Variants in SEZ6 observed in about 807,000 individuals in gnomAD.
The protein encoded by SEZ6 is seizure related 6 homolog.
SEZ6 carries 53 observed loss-of-function variants against 101.0 expected under a neutral mutation model. That is an observed-to-expected ratio of 0.52 (90% CI 0.42 to 0.66). SEZ6 has a LOEUF of 0.66. Ranked by LOEUF, SEZ6 falls within the 30% of genes least tolerant of loss-of-function variation. The pLI is 0.00. For synonymous variants in SEZ6, 488 were observed against 512.2 expected (o/e 0.95, Z 0.64); for missense variants, 1,102 against 1,289.4 (o/e 0.85, Z 2.23).
chr17:28,989,245 A>G (rs1227117888), intron 1 of SEZ6, among the ~76,000 whole-genome samples: 3 of 152,188 alleles, frequency 2.0e-5, no homozygotes, highest in Non-Finnish European at 4.4e-5. Flanking sequence ...TGAACCATGA[A>G]GGGCTCTATG....
chr17:28,996,225 AG>A (rs1402487464), intron 1 of SEZ6, among the ~76,000 whole-genome samples: 1 of 151,892 alleles, frequency 6.6e-6, no homozygotes, highest in African/African-American at 2.4e-5. Flanking sequence ...GAGTCACTGG[AG>A]GCCTGGGCTC....
Position 28,956,085 on chromosome 17 carries a change from C to T in SEZ6, c.2952+74G>A, listed in dbSNP as rs1567979362. 3 of 1,594,070 alleles carry T rather than the reference C, an allele frequency of 1.9e-6. No homozygotes were observed. The East Asian group carries it at 6.7e-5, about 36-fold the overall frequency. ...AAAAAGTGAGAGGGCTTGGCAGGAC[C>T]CTCAGGGTTATCTGCCCAAAGAAGC... On this transcript the variant is annotated intron_variant, in intron 16 of 16. Coordinates refer to ENST00000317338, the MANE Select transcript of SEZ6 (RefSeq NM_178860.5).
intron 1 of SEZ6, among the ~76,000 whole-genome samples, chr17:29,002,531 C>T (rs1046369416): frequency 6.6e-6 from 1 of 152,318 alleles, no homozygotes; most frequent in Admixed American, 6.5e-5. Flanking sequence ...ATGGCAGTCT[C>T]TGGGTCCTCC....
intron 4 of SEZ6, among the ~76,000 whole-genome samples, chr17:28,967,823 G>C (rs529611560): frequency 6.6e-6 from 1 of 152,320 alleles, no homozygotes; most frequent in Non-Finnish European, 1.5e-5. Flanking sequence ...CTCCATAGTA[G>C]TTAAAGTATC....
At chr17:28,994,517 G>A (rs1245343287) in intron 1 of SEZ6, among the ~76,000 whole-genome samples, 4 of 150,984 alleles carry the variant, frequency 2.6e-5, no homozygotes, top group Non-Finnish European at 4.4e-5. Flanking sequence ...CTCATGATCC[G>A]CCCGCCTCAG....
rs1184775941 is a variant in SEZ6, at chr17:28,959,277, A to T, written c.1911-56T>A. 9 of 1,613,488 alleles carry T rather than the reference A, an allele frequency of 5.6e-6. No homozygotes were observed. Among genetic ancestry groups the T allele is most frequent in the Non-Finnish European group, 1.7e-6 (2 of 1,179,738 alleles). Reference sequence around the variant, plus strand: ...GCCTGGGGGCCCGAGGATGGGCTGGACAAGGGATATCCCCAGACCTCAGGA... The same window carrying T: ...GCCTGGGGGCCCGAGGATGGGCTGGTCAAGGGATATCCCCAGACCTCAGGA... On this transcript the variant is annotated intron_variant, in intron 9 of 16. Coordinates refer to ENST00000317338, the MANE Select transcript of SEZ6 (RefSeq NM_178860.5). This position sits in a 1 kb window ranked among gnomAD's most constrained non-coding sequence, Gnocchi z 4.4.
At chr17:28,991,688 G>T (rs73986769) in intron 1 of SEZ6, among the ~76,000 whole-genome samples, 6,414 of 152,174 alleles carry the variant, frequency 0.042, 473 homozygotes, top group African/African-American at 0.15. Context: ...GGAAAACTGC[G>T]GCTTGGGATT....
At position 28,979,861 on chromosome 17, in the gene SEZ6, G is replaced by A. The variant is rs753665118; in HGVS notation, c.725-48C>T. On this transcript the variant is annotated intron_variant, in intron 2 of 16. Transcript: ENST00000317338. Reference sequence around the variant, plus strand: ...AAGCTAGTGCCAGCTCTGGTGAAGTGGTCCAACTAAGGCTGAACCGTGTGT... The same window carrying A: ...AAGCTAGTGCCAGCTCTGGTGAAGTAGTCCAACTAAGGCTGAACCGTGTGT... 1.2e-5 allele frequency: 19 copies of A among 1,560,240 alleles called. No homozygotes were observed. The South Asian group carries it at 2.0e-4, about 16-fold the overall frequency.
Position 28,957,345 on chromosome 17 carries a change from T to TA in SEZ6, c.2494+2dup. The TA allele has an allele frequency of 1.2e-6, 2 of 1,612,380 alleles. No individual in the cohort carries two copies. Among genetic ancestry groups the TA allele is most frequent in the East Asian group, 2.2e-5 (1 of 44,826 alleles). On this transcript the variant is annotated splice_region_variant and intron_variant, in intron 12 of 16. Coordinates refer to ENST00000317338, the MANE Select transcript of SEZ6 (RefSeq NM_178860.5). Reference sequence around the variant, plus strand: ...TTTTCCCTCCTACTCAATTGACACTTACGGAGACATTTAGGGGCCCGGTCA... The same window carrying TA: ...TTTTCCCTCCTACTCAATTGACACTTAACGGAGACATTTAGGGGCCCGGTCA...
At position 28,983,437 on chromosome 17, in the gene SEZ6, A is replaced by G. The variant is rs140224578; in HGVS notation, c.56-1398T>C. On this transcript the variant is annotated intron_variant, in intron 1 of 16. Transcript: ENST00000317338. ...TTCTTGCTAAGGCCACCTGGTCCTT[A>G]GCAACTTCCCTCTCACAATGTTATT... Among the ~76,000 whole-genome samples, 145 of 152,262 alleles carry G rather than the reference A, an allele frequency of 9.5e-4. 2 individuals are homozygous for G. In the East Asian group the frequency reaches 0.027, roughly 28 times the overall value.
chr17:28,970,223 T>C (rs2041132290), intron 3 of SEZ6, among the ~76,000 whole-genome samples: 1 of 152,224 alleles, frequency 6.6e-6, no homozygotes, highest in Non-Finnish European at 1.5e-5. Context: ...CACATCTTTC[T>C]GTCTCCAAGC....
chr17:28,969,888 G>A lies in SEZ6; in HGVS notation c.923C>T (p.Pro308Leu). 6.5e-7 allele frequency: 1 copy of A among 1,543,112 alleles called. No homozygotes were observed. The highest frequency in any genetic ancestry group is 8.7e-7 in the Non-Finnish European group (1 of 1,153,146). Residue 308 changes from proline to leucine, a missense_variant, in exon 4 of 17, where the codon CCA (proline) becomes CTA (leucine). Coordinates refer to ENST00000317338, the MANE Select transcript of SEZ6 (RefSeq NM_178860.5). Reference sequence around the variant, plus strand: ...GAAAGACTGGTTGGCCAGGGGCAGTGGGTCAGGCCCCCCCAGGCCTTCCAC... The same window carrying A: ...GAAAGACTGGTTGGCCAGGGGCAGTAGGTCAGGCCCCCCCAGGCCTTCCAC... ...VTVEGLGGPD[P>L]LPLANQSFLL...
intron 2 of SEZ6, 113 bp from the exon 3 acceptor site, chr17:28,979,926 GTGA>G: frequency 1.1e-6 from 1 of 942,234 alleles, no homozygotes; most frequent in Non-Finnish European, 1.5e-6. Context: ...TGTGTGTGTG[GTGA>G]AGACCACCTC....
At chr17:29,001,295 G>A (rs2041611561) in intron 1 of SEZ6, among the ~76,000 whole-genome samples, 1 of 152,178 alleles carries the variant, frequency 6.6e-6, no homozygotes, top group East Asian at 1.9e-4. Context: ...CCAAGACATA[G>A]TGGGTGAACA....
At chr17:28,994,199 C>T (rs2041504642) in intron 1 of SEZ6, among the ~76,000 whole-genome samples, 3 of 152,026 alleles carry the variant, frequency 2.0e-5, no homozygotes, top group Admixed American at 1.3e-4. Context: ...CTGCCACTGA[C>T]AGGCTATGCG....
chr17:29,005,669 G>T lies in SEZ6; in HGVS notation c.55+146C>A. ...GCGAAGCCCGCGCCCCGCCCGGCTT[G>T]GCCGGCGCCGGGGGCAGCGCAGCCG... On this transcript the variant is annotated intron_variant, in intron 1 of 16. Transcript: ENST00000317338. The surrounding 1 kb of genome is among the most constrained non-coding windows in gnomAD (Gnocchi z 4.8). 1 of 718,996 alleles carries T rather than the reference G, an allele frequency of 1.4e-6. No individual in the cohort carries two copies. The highest frequency in any genetic ancestry group is 1.8e-6 in the Non-Finnish European group (1 of 544,458). The allele number at this position is 718,996 out of a possible 1,614,324, so 44.5% of individuals were successfully genotyped here. A position where few individuals can be genotyped will look rare whatever the true frequency, so the allele number is the denominator to read the frequency against.
At chr17:28,993,916 G>T (rs2041500853) in intron 1 of SEZ6, among the ~76,000 whole-genome samples, 1 of 152,210 alleles carries the variant, frequency 6.6e-6, no homozygotes, top group Non-Finnish European at 1.5e-5. Flanking sequence ...TAGATGAAGG[G>T]GCTTGTTTTG....
intron 3 of SEZ6, among the ~76,000 whole-genome samples, chr17:28,979,244 G>A (rs1449154906): frequency 6.6e-6 from 1 of 152,182 alleles, no homozygotes; most frequent in South Asian, 2.1e-4. Flanking sequence ...TCACCTCTCT[G>A]ATGGTGTAAT....
At position 28,981,907 on chromosome 17, in the gene SEZ6, G is replaced by A; in HGVS notation, c.188C>T (p.Thr63Ile). 1 of 1,613,934 alleles carries A rather than the reference G, an allele frequency of 6.2e-7. No individual in the cohort carries two copies. Among genetic ancestry groups the A allele is most frequent in the Non-Finnish European group, 8.5e-7 (1 of 1,179,890 alleles). ...CGGGTGGTGGTTGAGCAGCTTCAAG[G>A]TGGGGGCTGTTGTGACAAAGTGGAC... is the stretch of plus-strand genomic sequence containing the variant. ...RGVHFVTTAP[T>I]LKLLNHHPLL... Residue 63 changes from threonine (T) to isoleucine (I), a missense_variant, in exon 2 of 17, where the codon ACC becomes ATC. Around this residue, in one of 3 missense-constraint regions of SEZ6, gnomAD observed 406 missense variants for 418.6 expected, o/e 0.97. Transcript: ENST00000317338.
Sources: gnomAD v4.1 joint callset for allele counts (sites outside exome capture counted in the v4.1 genomes callset) on GRCh38, gnomAD v4.1.1 for gene constraint, gnomAD v4.1.1 regional missense constraint, Gnocchi (gnomAD v3.1) non-coding constraint, MANE v1.5 for transcripts, NCBI Gene and HGNC (gene_info 2026-07-23, HGNC 2026-07-21) for gene names.